Variants in CACNA1C observed in about 807,000 individuals in gnomAD.
CACNA1C encodes the protein voltage-dependent L-type calcium channel subunit alpha-1C.
A neutral mutation model predicts 229.0 loss-of-function variants in CACNA1C; 30 were observed. The observed-to-expected ratio is 0.13, with a 90% confidence interval of 0.10 to 0.18. The LOEUF (loss-of-function observed/expected upper bound fraction) is 0.18, where lower values mean the gene tolerates loss of function less well. Among genes scored for constraint, CACNA1C ranks in the 10% least tolerant of loss-of-function variants. CACNA1C has a pLI of 1.00. For missense variants in CACNA1C, 1,658 were observed against 2,845.0 expected, an observed-to-expected ratio of 0.58 and a Z score of 9.49; for synonymous variants, 1,114 against 1,132.5, an observed-to-expected ratio of 0.98 and a Z score of 0.33.
At chr12:1,983,347 A>ACTTT (rs1490650668) in intron 1 of CACNA1C, among the ~76,000 whole-genome samples, 2 of 151,936 alleles carry the variant, frequency 1.3e-5, no homozygotes, top group African/African-American at 4.8e-5. Flanking sequence ...TGACTTAAGA[A>ACTTT]CTTTCTTCTT....
intron 3 of CACNA1C, among the ~76,000 whole-genome samples, chr12:2,434,964 G>A (rs767213288): frequency 2.0e-5 from 3 of 152,156 alleles, no homozygotes; most frequent in Non-Finnish European, 4.4e-5. Context: ...ATCGTGAACC[G>A]TCGTCAGCCC....
At position 2,605,243 on chromosome 12, in the gene CACNA1C, G is replaced by C. The variant is rs1467115015; in HGVS notation, c.3048+75G>C. ...GGGAGCTCCACAGAGGTGAGGGGTGGGTTGGAAGGAGATGATGGTCAGACC... is the reference window on the plus strand; with the variant it reads ...GGGAGCTCCACAGAGGTGAGGGGTGCGTTGGAAGGAGATGATGGTCAGACC... On this transcript the variant is annotated intron_variant, in intron 23 of 46. Transcript: ENST00000399655. This position sits in a 1 kb window ranked among gnomAD's most constrained non-coding sequence, Gnocchi z 6.2. 3.8e-6 allele frequency: 4 copies of C among 1,051,178 alleles called. No individual in the cohort carries two copies. In the African/African-American group the frequency reaches 4.7e-5, roughly 12 times the overall value. 65.1% of individuals were successfully genotyped at this position (1,051,178 alleles called of 1,614,324 possible).
Position 2,215,297 on chromosome 12 carries a change from G to A in CACNA1C, c.477+94867G>A, listed in dbSNP as rs141987933. On this transcript the variant is annotated intron_variant, in intron 3 of 46. Transcript: ENST00000399655. This position sits in a 1 kb window ranked among gnomAD's most constrained non-coding sequence, Gnocchi z 5.0. ...CACTTCCTCATCATTCCCTTTCTGC[G>A]AGCTTGCCCACTTGCTAGGATGGAT... Among the ~76,000 whole-genome samples the A allele has an allele frequency of 3.9e-3, 593 of 152,190 alleles. 2 individuals carry two copies. The highest frequency in any genetic ancestry group is 0.014 in the African/African-American group (582 of 41,510).
At chr12:2,203,188 G>A (rs866408938) in intron 3 of CACNA1C, among the ~76,000 whole-genome samples, 2 of 152,156 alleles carry the variant, frequency 1.3e-5, no homozygotes, top group Non-Finnish European at 2.9e-5. Context: ...GGCCACAGGA[G>A]CGACCAGCCA....
intron 1 of CACNA1C, among the ~76,000 whole-genome samples, chr12:2,077,200 G>A (rs527478121): frequency 6.6e-6 from 1 of 152,222 alleles, no homozygotes; most frequent in Non-Finnish European, 1.5e-5. Context: ...TTGAACATTA[G>A]CTAACCTTCT....
At chr12:2,168,107 G>T (rs766988579) in intron 3 of CACNA1C, among the ~76,000 whole-genome samples, 1 of 152,112 alleles carries the variant, frequency 6.6e-6, no homozygotes, top group East Asian at 1.9e-4. Context: ...TGTTACAGGG[G>T]CATGGAAATA....
At position 2,691,111 on chromosome 12, in the gene CACNA1C, G is replaced by T. The variant is rs745731628; in HGVS notation, c.6329G>T (p.Gly2110Val). The change falls in exon 47 of 47, where the codon GGC becomes GTC. Residue 2110 changes from glycine (G) to valine (V), a missense_variant. By Grantham distance (109) the Gly-to-Val change is moderately radical. Transcript: ENST00000399655. ...GACGCGGGGCAGGACCGAGCCGGGGGCGAAGAGGACGCGGGCTGTGTGCGC... is the reference window on the plus strand; with the variant it reads ...GACGCGGGGCAGGACCGAGCCGGGGTCGAAGAGGACGCGGGCTGTGTGCGC... Reference protein sequence around the residue: ...CRDAGQDRAGGEEDAGCVRAR... With the variant: ...CRDAGQDRAGVEEDAGCVRAR... The T allele has an allele frequency of 3.1e-6, 5 of 1,611,944 alleles. No homozygotes were observed. The African/African-American group carries it at 6.7e-5, about 22-fold the overall frequency.
intron 3 of CACNA1C, among the ~76,000 whole-genome samples, chr12:2,146,862 C>T (rs1223440754): frequency 1.4e-5 from 2 of 138,110 alleles, no homozygotes; most frequent in African/African-American, 6.8e-5. Flanking sequence ...TAAGGGTGGA[C>T]CCAAGCAGGG....
rs1460592579 is a variant in CACNA1C at position 2,410,444 on chromosome 12, T to C, written c.478-38532T>C. On this transcript the variant is annotated intron_variant, in intron 3 of 46. Coordinates refer to ENST00000399655, the MANE Select transcript of CACNA1C (RefSeq NM_000719.7). This position sits in a 1 kb window ranked among gnomAD's most constrained non-coding sequence, Gnocchi z 5.3. ...CCCAGCAAGGAATTGGTGCATGATA[T>C]AGTTTTCGTTTTCAAAGGACCATGA... is the stretch of plus-strand genomic sequence containing the variant. 1.3e-5 allele frequency among the ~76,000 whole-genome samples: 2 copies of C among 152,254 alleles called. No individual in the cohort carries two copies. The highest frequency in any genetic ancestry group is 2.9e-5 in the Non-Finnish European group (2 of 68,042).
chr12:2,635,882 G>T (rs2092558949), intron 30 of CACNA1C, among the ~76,000 whole-genome samples: 2 of 152,162 alleles, frequency 1.3e-5, no homozygotes, highest in African/African-American at 4.8e-5. Context: ...GAGTGTATGT[G>T]TGTATGTGCA....
chr12:2,651,774 C>T lies in CACNA1C; in HGVS notation c.4074+6C>T, dbSNP rs762974366. On this transcript the variant is annotated splice_donor_region_variant and intron_variant, in intron 32 of 46. Coordinates refer to ENST00000399655, the MANE Select transcript of CACNA1C (RefSeq NM_000719.7). This position sits in a 1 kb window ranked among gnomAD's most constrained non-coding sequence, Gnocchi z 5.4. ...CCTTCATCAAGTCCTTCCAGGTAGC[C>T]GCCCCTCATGTCCTGCGGCCCGGGG... is the stretch of plus-strand genomic sequence containing the variant. 1.6e-5 allele frequency: 25 copies of T among 1,595,810 alleles called. No individual in the cohort carries two copies. The highest frequency in any genetic ancestry group is 1.1e-4 in the East Asian group (5 of 44,616).
Position 2,685,748 on chromosome 12 carries a change from G to C in CACNA1C, c.5586G>C (p.Gln1862His). Residue 1862 changes from glutamine to histidine, a missense_variant, in exon 44 of 47, where the codon CAG (glutamine) becomes CAC (histidine). Transcript: ENST00000399655. ...SLLSTEMLSY[Q>H]DDENRQLTLP... ...CTCTCTGTTCCAGGCTCTCCTACCA[G>C]GATGACGAAAATCGGCAACTGACGC... 1 of 1,613,530 alleles carries C rather than the reference G, an allele frequency of 6.2e-7. No homozygotes were observed. Among genetic ancestry groups the C allele is most frequent in the Non-Finnish European group, 8.5e-7 (1 of 1,179,474 alleles).
At chr12:2,335,333 A>G (rs748664391) in intron 3 of CACNA1C, among the ~76,000 whole-genome samples, 4 of 152,156 alleles carry the variant, frequency 2.6e-5, no homozygotes, top group Non-Finnish European at 5.9e-5. Context: ...AAACACCATG[A>G]AAACAAACAT....
intron 1 of CACNA1C, among the ~76,000 whole-genome samples, chr12:2,107,639 T>A (rs2079664563): frequency 6.6e-6 from 1 of 152,288 alleles, no homozygotes. Context: ...ATTTATGTGA[T>A]GAAAATATTA....
chr12:2,062,420 T>G (rs140858312), intron 1 of CACNA1C, among the ~76,000 whole-genome samples: 8 of 152,256 alleles, frequency 5.3e-5, no homozygotes, highest in Admixed American at 4.6e-4. Context: ...AATTCAGGTC[T>G]GTCGGACTTT....
intron 3 of CACNA1C, among the ~76,000 whole-genome samples, chr12:2,276,609 C>T (rs1479756942): frequency 2.0e-5 from 3 of 152,118 alleles, no homozygotes; most frequent in Non-Finnish European, 4.4e-5. Context: ...CCTCTATTAC[C>T]AGGGCAGATG....
At chr12:2,154,346 G>T (rs1043758165) in intron 3 of CACNA1C, among the ~76,000 whole-genome samples, 12 of 152,302 alleles carry the variant, frequency 7.9e-5, no homozygotes, top group African/African-American at 2.4e-4. Flanking sequence ...AACCTGCCAG[G>T]TTATCAAAAG....
At chr12:2,511,621 C>T (rs1380214360) in intron 8 of CACNA1C, among the ~76,000 whole-genome samples, 3 of 152,022 alleles carry the variant, frequency 2.0e-5, no homozygotes, top group Admixed American at 6.6e-5. Context: ...CCACCAAGGG[C>T]CTCATTCCCC....
chr12:2,335,619 T>C (rs571201182), intron 3 of CACNA1C, among the ~76,000 whole-genome samples: 1 of 152,248 alleles, frequency 6.6e-6, no homozygotes, highest in Admixed American at 6.5e-5. Flanking sequence ...ACTCCCAGCC[T>C]TTCCAGGTGC....
Sources: allele counts gnomAD v4.1 joint callset (sites outside exome capture counted in the v4.1 genomes callset), GRCh38; gene constraint gnomAD v4.1.1; non-coding constraint Gnocchi (gnomAD v3.1); transcripts MANE v1.5; gene names NCBI Gene and HGNC (gene_info 2026-07-23, HGNC 2026-07-21).